ACACA: variants seen among roughly 807,000 people sequenced by gnomAD.
ACACA encodes the protein acetyl-CoA carboxylase 1.
ACACA carries 103 observed loss-of-function variants against 296.1 expected under a neutral mutation model. The observed-to-expected ratio is 0.35, with a 90% CI of 0.30 to 0.41. The LOEUF (loss-of-function observed/expected upper bound fraction) is 0.41, where lower values mean the gene tolerates loss of function less well. Among genes scored for constraint, ACACA ranks in the 10% least tolerant of loss-of-function variants. ACACA has a pLI of 1.00. For synonymous variants in ACACA, 953 were observed against 1,038.6 expected, an observed-to-expected ratio of 0.92 and a Z score of 1.58; for missense variants, 1,554 against 2,989.7, an observed-to-expected ratio of 0.52 and a Z score of 11.20.
chr17:37,247,119 T>C (rs982236173), intron 18 of ACACA, 143 bp from the exon 19 acceptor site: 9 of 901,706 alleles, frequency 1.0e-5, no homozygotes, highest in Non-Finnish European at 1.6e-5. Context: ...CATATTTGTT[T>C]ACAATGTCAA....
At chr17:37,167,182 G>A (rs998857410) in intron 41 of ACACA, among the ~76,000 whole-genome samples, 3 of 138,594 alleles carry the variant, frequency 2.2e-5, no homozygotes, top group East Asian at 2.1e-4. Context: ...GGTTGGTCTC[G>A]AACTCCTGAC....
chr17:37,258,062 G>C, intron 13 of ACACA, 150 bp downstream of exon 13: 1 of 1,154,360 alleles, frequency 8.7e-7, no homozygotes, highest in Non-Finnish European at 1.2e-6. Context: ...AACCAATGAA[G>C]CAACAACCAT....
At chr17:37,107,193 G>A (rs573668400) in intron 52 of ACACA, among the ~76,000 whole-genome samples, 6 of 152,290 alleles carry the variant, frequency 3.9e-5, no homozygotes, top group Admixed American at 6.5e-5. Flanking sequence ...TAAGGCATGC[G>A]TATCGGAACT....
intron 1 of ACACA, among the ~76,000 whole-genome samples, chr17:37,346,872 A>G (rs2048650004): frequency 6.6e-6 from 1 of 152,116 alleles, no homozygotes; most frequent in Non-Finnish European, 1.5e-5. Flanking sequence ...TTGATTTTAC[A>G]GGCTCATAGG....
At chr17:37,098,984 C>T (rs573121913) in intron 52 of ACACA, among the ~76,000 whole-genome samples, 1 of 152,310 alleles carries the variant, frequency 6.6e-6, no homozygotes, top group South Asian at 2.1e-4. Flanking sequence ...CAATAGGTGA[C>T]AGCCCCTGGT....
chr17:37,230,001 C>T lies in ACACA; in HGVS notation c.3247-3549G>A, dbSNP rs867088783. ...AGAATTGCCCAGGAGGTGGAGGTTGCAGTGAGCTGAGATTGCGTCATTGCA... is the reference window on the plus strand; with the variant it reads ...AGAATTGCCCAGGAGGTGGAGGTTGTAGTGAGCTGAGATTGCGTCATTGCA... On this transcript the variant is annotated intron_variant, in intron 25 of 55. Transcript: ENST00000616317. 2.6e-5 allele frequency among the ~76,000 whole-genome samples: 4 copies of T among 151,862 alleles called. No individual in the cohort carries two copies. In the South Asian group the frequency reaches 8.3e-4, roughly 32 times the overall value.
chr17:37,270,691 A>T, intron 10 of ACACA, 60 bp downstream of exon 10: 2 of 1,277,704 alleles, frequency 1.6e-6, no homozygotes, highest in Admixed American at 1.7e-5. Flanking sequence ...AGTATGAGTT[A>T]AATCATATAT....
chr17:37,248,979 A>G (rs982440004), intron 16 of ACACA, among the ~76,000 whole-genome samples: 1 of 152,204 alleles, frequency 6.6e-6, no homozygotes, highest in African/African-American at 2.4e-5. Context: ...TCAACTGGCA[A>G]AAGTGAAACT....
chr17:37,214,496 C>T (rs1016707068), intron 29 of ACACA, among the ~76,000 whole-genome samples: 3 of 152,198 alleles, frequency 2.0e-5, no homozygotes, highest in Admixed American at 2.0e-4. Context: ...TACGAACCCA[C>T]AGCACAAAAC....
At chr17:37,393,158 GA>G (rs1255703071) in intron 1 of ACACA, among the ~76,000 whole-genome samples, 4 of 136,550 alleles carry the variant, frequency 2.9e-5, no homozygotes, top group East Asian at 4.4e-4. Context: ...AAAAAAAAAA[GA>G]AAAAAAAAAG....
intron 14 of ACACA, among the ~76,000 whole-genome samples, chr17:37,254,475 C>T (rs1236476818): frequency 6.6e-6 from 1 of 152,126 alleles, no homozygotes; most frequent in Non-Finnish European, 1.5e-5. Context: ...CTTCCCAGAA[C>T]CCCTCTAGAC....
chr17:37,305,911 T>TG (rs1010255693), intron 3 of ACACA, among the ~76,000 whole-genome samples: 2 of 145,194 alleles, frequency 1.4e-5, no homozygotes, highest in African/African-American at 2.5e-5. Context: ...TTTGTTTTTT[T>TG]TTTTTTTTTT....
intron 1 of ACACA, among the ~76,000 whole-genome samples, chr17:37,362,652 G>A (rs1288856074): frequency 6.6e-6 from 1 of 152,142 alleles, no homozygotes; most frequent in African/African-American, 2.4e-5. Flanking sequence ...CTCAAAGCAT[G>A]TCCCACTAAC....
At chr17:37,247,116 G>C (rs1011758696) in intron 18 of ACACA, 140 bp from the exon 19 acceptor site, 4 of 906,052 alleles carry the variant, frequency 4.4e-6, no homozygotes, top group Non-Finnish European at 7.0e-6. Flanking sequence ...CTGCATATTT[G>C]TTTACAATGT....
At position 37,394,457 on chromosome 17, in the gene ACACA, C is replaced by T. The variant is rs531310746; in HGVS notation, c.38+11805G>A. 1.5e-4 allele frequency among the ~76,000 whole-genome samples: 23 copies of T among 151,854 alleles called. No homozygotes were observed. The East Asian group carries it at 2.5e-3, about 17-fold the overall frequency. ...AACTCCTGACCTCAAGTGATCCACC[C>T]GCGTCGGCCTCACAAAGTGCTGGGG... is the stretch of plus-strand genomic sequence containing the variant. On this transcript the variant is annotated intron_variant, in intron 1 of 55. Transcript: ENST00000616317.
chr17:37,315,575 G>A (rs950477987), intron 3 of ACACA, among the ~76,000 whole-genome samples: 4 of 152,074 alleles, frequency 2.6e-5, no homozygotes, highest in African/African-American at 9.7e-5. Flanking sequence ...GCTATAAATC[G>A]GAGATTCCCA....
intron 29 of ACACA, among the ~76,000 whole-genome samples, chr17:37,213,069 G>A (rs2078823596): frequency 6.6e-6 from 1 of 151,874 alleles, no homozygotes; most frequent in South Asian, 2.1e-4. Flanking sequence ...TATAATTCCA[G>A]CGCTTTGGGA....
At chr17:37,278,602 T>A (rs979770273) in intron 5 of ACACA, among the ~76,000 whole-genome samples, 18 of 152,332 alleles carry the variant, frequency 1.2e-4, no homozygotes, top group Non-Finnish European at 2.5e-4. Context: ...CCCTTTCAAA[T>A]TTGTCACCTA....
chr17:37,291,010 A>G (rs1176084984), intron 3 of ACACA, among the ~76,000 whole-genome samples: 1 of 143,578 alleles, frequency 7.0e-6, no homozygotes, highest in African/African-American at 2.6e-5. Flanking sequence ...TGAACCTGGG[A>G]GGTAGAGGTT....
Sources: allele counts gnomAD v4.1 joint callset (sites outside exome capture counted in the v4.1 genomes callset), GRCh38; gene constraint gnomAD v4.1.1; transcripts MANE v1.5; gene names NCBI Gene and HGNC (gene_info 2026-07-23, HGNC 2026-07-21).